Variants in TDRD5 observed in about 807,000 individuals in gnomAD.
The protein encoded by TDRD5 is tudor domain containing 5.
In TDRD5, 41 loss-of-function variants were observed where a neutral mutation model predicts 120.6. The ratio of observed to expected loss-of-function variants is 0.34; its 90% confidence interval spans 0.26 to 0.44. The LOEUF (loss-of-function observed/expected upper bound fraction) is 0.44, where lower values mean the gene tolerates loss of function less well. Ranked by LOEUF, TDRD5 falls within the 20% of genes least tolerant of loss-of-function variation. The pLI, the probability that TDRD5 is intolerant of heterozygous loss-of-function variation, is 1.00. For missense variants in TDRD5, 1,006 were observed against 1,221.2 expected (o/e 0.82, Z 2.63); for synonymous variants, 430 against 433.7 (o/e 0.99, Z 0.11).
intron 13 of TDRD5, among the ~76,000 whole-genome samples, chr1:179,652,681 C>A (rs1425161331): frequency 6.6e-6 from 1 of 152,126 alleles, no homozygotes; most frequent in Non-Finnish European, 1.5e-5. Context: ...ATCTTTACAG[C>A]AAATTACCAG....
At chr1:179,624,563 CA>C (rs1468173308) in intron 6 of TDRD5, among the ~76,000 whole-genome samples, 2 of 152,024 alleles carry the variant, frequency 1.3e-5, no homozygotes, top group African/African-American at 4.8e-5. Context: ...CTTATTAGGT[CA>C]AAATACAAGG....
At chr1:179,690,253 G>C (rs1245696156) in intron 17 of TDRD5, among the ~76,000 whole-genome samples, 2 of 152,134 alleles carry the variant, frequency 1.3e-5, no homozygotes, top group African/African-American at 4.8e-5. Flanking sequence ...AGCAACCACA[G>C]TCTAGGATGG....
At chr1:179,592,926 GTTA>G in intron 2 of TDRD5, 79 bp downstream of exon 2, 1 of 1,380,166 alleles carries the variant, frequency 7.2e-7, no homozygotes, top group Non-Finnish European at 1.0e-6. Context: ...TAGTTCTGCA[GTTA>G]TTATGCATCC....
At chr1:179,604,882 G>C (rs1192904212) in intron 4 of TDRD5, among the ~76,000 whole-genome samples, 2 of 152,114 alleles carry the variant, frequency 1.3e-5, no homozygotes, top group African/African-American at 4.8e-5. Context: ...GTATATATCT[G>C]TTAAGTCCAT....
chr1:179,609,271 A>G (rs1231227602), intron 4 of TDRD5, among the ~76,000 whole-genome samples: 1 of 152,136 alleles, frequency 6.6e-6, no homozygotes, highest in East Asian at 1.9e-4. Flanking sequence ...TATCTTGGAG[A>G]TGGGATCCCA....
chr1:179,665,847 G>T (rs1346921500), intron 16 of TDRD5, among the ~76,000 whole-genome samples: 1 of 151,998 alleles, frequency 6.6e-6, no homozygotes, highest in Non-Finnish European at 1.5e-5. Context: ...TACTTACCAT[G>T]CAGGTTGAAT....
At chr1:179,605,895 C>G (rs1021205614) in intron 4 of TDRD5, among the ~76,000 whole-genome samples, 3 of 152,088 alleles carry the variant, frequency 2.0e-5, no homozygotes, top group East Asian at 3.8e-4. Flanking sequence ...CATAAAGTTG[C>G]TATAAACGTG....
At chr1:179,609,173 C>G (rs1168389622) in intron 4 of TDRD5, among the ~76,000 whole-genome samples, 3 of 152,050 alleles carry the variant, frequency 2.0e-5, no homozygotes, top group Non-Finnish European at 4.4e-5. Context: ...CACCAGGAAC[C>G]AAATTGGGTA....
intron 9 of TDRD5, among the ~76,000 whole-genome samples, chr1:179,636,819 A>G (rs1677787463): frequency 6.6e-6 from 1 of 152,212 alleles, no homozygotes; most frequent in South Asian, 2.1e-4. Context: ...CATTGACAAC[A>G]TGTACTGTGA....
intron 2 of TDRD5, 82 bp from the exon 3 acceptor site, chr1:179,593,378 A>G: frequency 7.0e-7 from 1 of 1,437,474 alleles, no homozygotes; most frequent in South Asian, 1.4e-5. Context: ...GGAGAGTTAA[A>G]AACTGTATAA....
rs770403701 is a variant in TDRD5 at position 179,651,913 on chromosome 1, G to T, written c.2002-126G>T. On this transcript the variant is annotated intron_variant, in intron 12 of 17. Transcript: ENST00000444136. Reference sequence around the variant, plus strand: ...GGGCAACAGAGCGAGACTCCATCTCGAAATAAATAAATAAAATTTGGAAGA... The same window carrying T: ...GGGCAACAGAGCGAGACTCCATCTCTAAATAAATAAATAAAATTTGGAAGA... The T allele has an allele frequency of 8.0e-6, 9 of 1,123,366 alleles. No individual in the cohort carries two copies. In the African/African-American group the frequency reaches 1.3e-4, roughly 16 times the overall value. 69.6% of individuals were successfully genotyped at this position (1,123,366 alleles called of 1,614,324 possible).
intron 6 of TDRD5, among the ~76,000 whole-genome samples, chr1:179,624,511 T>C (rs1677014182): frequency 6.6e-6 from 1 of 152,184 alleles, no homozygotes; most frequent in Admixed American, 6.5e-5. Flanking sequence ...ATTGTTCATA[T>C]AGAATATACT....
intron 17 of TDRD5, among the ~76,000 whole-genome samples, chr1:179,674,074 C>A (rs1184291323): frequency 6.6e-6 from 1 of 152,116 alleles, no homozygotes; most frequent in Non-Finnish European, 1.5e-5. Flanking sequence ...GCTAGGACTT[C>A]CAGTACCATG....
At chr1:179,598,574 G>A (rs1483902461) in intron 4 of TDRD5, among the ~76,000 whole-genome samples, 2 of 151,986 alleles carry the variant, frequency 1.3e-5, no homozygotes. Context: ...CATAAAGCTT[G>A]CGCATATTTT....
In TDRD5 at chr1:179,691,134, G is replaced by A. The variant is rs906290945; in HGVS notation, c.*191G>A. 3.8e-5 allele frequency: 24 copies of A among 625,792 alleles called. No individual in the cohort carries two copies. In the African/African-American group the frequency reaches 4.4e-4, roughly 11 times the overall value. The allele number at this position is 625,792 out of a possible 1,614,324, so 38.8% of individuals were successfully genotyped here. A position where few individuals can be genotyped will look rare whatever the true frequency, so the allele number is the denominator to read the frequency against. ...GTGTAAGTAAGTATTGATATTTACT[G>A]TTAATCTTGATTTTTCTTGATTTTA... On this transcript the variant is annotated 3_prime_UTR_variant, in exon 18 of 18. Coordinates refer to ENST00000444136, the MANE Select transcript of TDRD5 (RefSeq NM_001199085.3).
At chr1:179,650,768 A>G in intron 11 of TDRD5, 99 bp from the exon 12 acceptor site, 2 of 1,235,128 alleles carry the variant, frequency 1.6e-6, no homozygotes, top group South Asian at 1.3e-5. Context: ...TTTTATTTCC[A>G]CTTAAATCTC....
At chr1:179,675,273 AT>A (rs1172444253) in intron 17 of TDRD5, among the ~76,000 whole-genome samples, 44 of 66,614 alleles carry the variant, frequency 6.6e-4, no homozygotes, top group African/African-American at 1.7e-3. Flanking sequence ...TATTATTATT[AT>A]TTTTTTTTTT....
intron 7 of TDRD5, 127 bp from the exon 8 acceptor site, chr1:179,634,330 C>G (rs1677637900): frequency 1.1e-6 from 1 of 928,380 alleles, no homozygotes; most frequent in African/African-American, 1.7e-5. Flanking sequence ...TTATCATTGT[C>G]TTTCTAGCAC....
chr1:179,592,572 C>G, intron 1 of TDRD5, 30 bp from the exon 2 acceptor site: 3 of 1,577,784 alleles, frequency 1.9e-6, no homozygotes, highest in Non-Finnish European at 2.6e-6. Context: ...GGGTTTGCCC[C>G]CTTTTCCTCA....
Sources: allele counts gnomAD v4.1 joint callset (sites outside exome capture counted in the v4.1 genomes callset), GRCh38; gene constraint gnomAD v4.1.1; transcripts MANE v1.5; gene names NCBI Gene and HGNC (gene_info 2026-07-23, HGNC 2026-07-21).